The following MGAT5B variants were observed in gnomAD, a reference collection of about 807,000 sequenced individuals.
MGAT5B encodes alpha-1,6-mannosylglycoprotein 6-beta-N-acetylglucosaminyltransferase B, also known as N-acetylglucosaminyl-transferase Vb.
MGAT5B carries 54 observed loss-of-function variants against 95.1 expected under a neutral mutation model. That is an observed-to-expected ratio of 0.57 (90% CI 0.46 to 0.71). The LOEUF (loss-of-function observed/expected upper bound fraction) is 0.71. Among genes scored for constraint, MGAT5B ranks in the 30% least tolerant of loss-of-function variants. MGAT5B has a pLI of 0.00. For missense variants in MGAT5B, 935 were observed against 1,088.6 expected, an observed-to-expected ratio of 0.86 and a Z score of 1.99; for synonymous variants, 464 against 451.0, an observed-to-expected ratio of 1.03 and a Z score of -0.36.
At chr17:76,919,757 G>A (rs1969066864) in intron 8 of MGAT5B, among the ~76,000 whole-genome samples, 1 of 152,192 alleles carries the variant, frequency 6.6e-6, no homozygotes, top group Non-Finnish European at 1.5e-5. Flanking sequence ...GTAGTAAGAT[G>A]CACATAACAT....
intron 8 of MGAT5B, among the ~76,000 whole-genome samples, chr17:76,913,485 T>A (rs1008912241): frequency 6.6e-6 from 1 of 152,144 alleles, no homozygotes; most frequent in Non-Finnish European, 1.5e-5. Context: ...AGGGCACACA[T>A]GTTGAAACAG....
chr17:76,946,308 C>T (rs576294163), intron 15 of MGAT5B, 68 bp from the exon 16 acceptor site: 13 of 1,396,206 alleles, frequency 9.3e-6, no homozygotes, highest in East Asian at 2.5e-5. Flanking sequence ...CCCCCAATGC[C>T]GAGCATGGCA....
chr17:76,888,188 A>C (rs946115058), intron 3 of MGAT5B, among the ~76,000 whole-genome samples: 2 of 151,968 alleles, frequency 1.3e-5, no homozygotes, highest in African/African-American at 4.8e-5. Context: ...CTCTGCTCTC[A>C]CTTGGGGAGG....
At chr17:76,871,357 G>T (rs1002478567) in intron 1 of MGAT5B, among the ~76,000 whole-genome samples, 2 of 152,194 alleles carry the variant, frequency 1.3e-5, no homozygotes, top group Non-Finnish European at 2.9e-5. Context: ...GCTAAGGAAA[G>T]TGTCCCTTGC....
intron 12 of MGAT5B, 150 bp downstream of exon 12, chr17:76,933,447 G>A: frequency 4.8e-6 from 5 of 1,035,522 alleles, no homozygotes; most frequent in South Asian, 1.5e-5. Flanking sequence ...TGGGGAAGAG[G>A]GTGATGGGGA....
chr17:76,885,396 G>C (rs1967589774), intron 3 of MGAT5B, among the ~76,000 whole-genome samples: 1 of 152,196 alleles, frequency 6.6e-6, no homozygotes, highest in African/African-American at 2.4e-5. Context: ...TCAGGAGCAG[G>C]CCTTTTTGGT....
rs1966895402 is a variant in MGAT5B, at chr17:76,869,045, C to G, written c.16C>G (p.Pro6Ala). 1 of 1,614,078 alleles carries G rather than the reference C, an allele frequency of 6.2e-7. No individual in the cohort carries two copies. Among genetic ancestry groups the G allele is most frequent in the East Asian group, 2.2e-5 (1 of 44,862 alleles). The change falls in exon 1 of 18, where the codon CCC (proline) becomes GCC (alanine). Residue 6 changes from proline (P) to alanine (A), a missense_variant. By Grantham distance (27) the Pro-to-Ala change is conservative. Coordinates refer to ENST00000569840, the MANE Select transcript of MGAT5B (RefSeq NM_001199172.2). The surrounding 1 kb of genome is among the most constrained non-coding windows in gnomAD (Gnocchi z 7.0). ...AGTTTGAACAATGATCACCGTCAAC[C>G]CCGATGGGAAGATAATGGTCAGAAG... MITVN[P>A]DGKIMVRRCL...
chr17:76,948,940 C>A lies in MGAT5B; in HGVS notation c.*102C>A, dbSNP rs965671166. 6 of 1,250,170 alleles carry A rather than the reference C, an allele frequency of 4.8e-6. No homozygotes were observed. In the South Asian group the frequency reaches 7.5e-5, roughly 16 times the overall value. 77.4% of individuals were successfully genotyped at this position (1,250,170 alleles called of 1,614,324 possible). A position where few individuals can be genotyped will look rare whatever the true frequency, so the allele number is the denominator to read the frequency against. On this transcript the variant is annotated 3_prime_UTR_variant, in exon 18 of 18. Transcript: ENST00000569840. ...CCCTGGCTGCTTGTCCTCCTCGCAACCCCCCCAGGCCGGAGCTTCCTTCCT... is the reference window on the plus strand; with the variant it reads ...CCCTGGCTGCTTGTCCTCCTCGCAAACCCCCCAGGCCGGAGCTTCCTTCCT...
chr17:76,908,053 A>G (rs1968595323), intron 8 of MGAT5B, among the ~76,000 whole-genome samples: 1 of 152,162 alleles, frequency 6.6e-6, no homozygotes, highest in South Asian at 2.1e-4. Flanking sequence ...TTTATATATT[A>G]AGGATATAAA....
chr17:76,949,022 C>A lies in MGAT5B; in HGVS notation c.*184C>A. ...CCGGGAATAGGAGGAGGCAGCATGC[C>A]GAGCCCCTGGGACCTCCCAGGCAGG... On this transcript the variant is annotated 3_prime_UTR_variant, in exon 18 of 18. Coordinates refer to ENST00000569840, the MANE Select transcript of MGAT5B (RefSeq NM_001199172.2). The A allele has an allele frequency of 1.4e-6, 1 of 723,214 alleles. No homozygotes were observed. Among genetic ancestry groups the A allele is most frequent in the Non-Finnish European group, 2.2e-6 (1 of 450,280 alleles). The allele number at this position is 723,214 out of a possible 1,614,324, so 44.8% of individuals were successfully genotyped here. A position where few individuals can be genotyped will look rare whatever the true frequency, so the allele number is the denominator to read the frequency against.
chr17:76,944,546 G>A (rs1226273380), intron 15 of MGAT5B, among the ~76,000 whole-genome samples: 2 of 152,198 alleles, frequency 1.3e-5, no homozygotes, highest in Non-Finnish European at 2.9e-5. Context: ...TTGGGCCATC[G>A]GCTCGGGAAT....
intron 3 of MGAT5B, among the ~76,000 whole-genome samples, chr17:76,898,339 T>A (rs537440625): frequency 1.5e-4 from 22 of 151,206 alleles, no homozygotes; most frequent in South Asian, 4.2e-4. Flanking sequence ...TTTATTTTTT[T>A]TTTTTTTTGA....
In MGAT5B at chr17:76,947,814, G is replaced by T; in HGVS notation, c.1924-16G>T. ...GGTCGCACTTCCCCACCCTGACACT[G>T]CTCTCCTCCTTGCAGGACTTCTGCA... On this transcript the variant is annotated splice_polypyrimidine_tract_variant and intron_variant, in intron 16 of 17. Transcript: ENST00000569840. 1 of 1,534,584 alleles carries T rather than the reference G, an allele frequency of 6.5e-7. No homozygotes were observed.
chr17:76,921,871 G>A (rs754412519), intron 8 of MGAT5B, among the ~76,000 whole-genome samples: 2 of 152,218 alleles, frequency 1.3e-5, no homozygotes, highest in Non-Finnish European at 2.9e-5. Context: ...AATCTGTAAA[G>A]ATGGGAACAG....
At position 76,950,320 on chromosome 17, in the gene MGAT5B, T is replaced by G. The variant is rs1016605657; in HGVS notation, c.*1482T>G. 1.4e-4 allele frequency: 9 copies of G among 66,018 alleles called. No individual in the cohort carries two copies. In the East Asian group the frequency reaches 2.4e-3, roughly 18 times the overall value. The allele number at this position is 66,018 out of a possible 1,614,324, so 4.1% of individuals were successfully genotyped here. On this transcript the variant is annotated 3_prime_UTR_variant, in exon 18 of 18. Coordinates refer to ENST00000569840, the MANE Select transcript of MGAT5B (RefSeq NM_001199172.2). ...GGGGAAAGCAATAGAGACACTCTTT[T>G]TCTCTCTTTTTTTTAAAGATTTATT...
At chr17:76,927,010 G>A (rs1457814057) in intron 10 of MGAT5B, among the ~76,000 whole-genome samples, 2 of 152,340 alleles carry the variant, frequency 1.3e-5, no homozygotes, top group South Asian at 2.1e-4. Flanking sequence ...CCAGGAGGGA[G>A]GTTGGGCACA....
chr17:76,878,193 C>T (rs542830054), intron 2 of MGAT5B, among the ~76,000 whole-genome samples: 2 of 152,222 alleles, frequency 1.3e-5, no homozygotes, highest in African/African-American at 4.8e-5. Flanking sequence ...TGGGTACCCA[C>T]CCCCTGCCTA....
Position 76,940,877 on chromosome 17 carries a change from C to A in MGAT5B, c.1848+29C>A, listed in dbSNP as rs1488732686. 4.5e-6 allele frequency: 7 copies of A among 1,539,520 alleles called. No homozygotes were observed. The South Asian group carries it at 5.6e-5, about 12-fold the overall frequency. The stretch of plus-strand genomic sequence containing the variant: ...AGAGCAGCCACATACAGTTGAGACC[C>A]CCCACTAGTCCACACTGCTGGTCTT... On this transcript the variant is annotated intron_variant, in intron 15 of 17. Transcript: ENST00000569840. This position sits in a 1 kb window ranked among gnomAD's most constrained non-coding sequence, Gnocchi z 4.3.
chr17:76,940,834 A>T lies in MGAT5B; in HGVS notation c.1834A>T (p.Ile612Phe). 1 of 1,613,948 alleles carries T rather than the reference A, an allele frequency of 6.2e-7. No individual in the cohort carries two copies. Among genetic ancestry groups the T allele is most frequent in the Non-Finnish European group, 8.5e-7 (1 of 1,179,878 alleles). ...GGAGTTTGAAGCAGCCATCAAGGCC[A>T]TTATGAGAACTCAGGTGAGAGCAGC... ...SEEFEAAIKA[I>F]MRTQVDPYLP... The change falls in exon 15 of 18, where the codon ATT becomes TTT. Residue 612 changes from isoleucine to phenylalanine, a missense_variant. Transcript: ENST00000569840. This position sits in a 1 kb window ranked among gnomAD's most constrained non-coding sequence, Gnocchi z 4.3.
Sources: gnomAD v4.1 joint callset for allele counts (sites outside exome capture counted in the v4.1 genomes callset) on GRCh38, gnomAD v4.1.1 for gene constraint, Gnocchi (gnomAD v3.1) non-coding constraint, MANE v1.5 for transcripts, NCBI Gene and HGNC (gene_info 2026-07-23, HGNC 2026-07-21) for gene names.